Variants in SERPINI2 observed in about 807,000 individuals in gnomAD.
SERPINI2 encodes the protein serpin I2.
SERPINI2 carries 48 observed loss-of-function variants against 47.3 expected under a neutral mutation model. That is an observed-to-expected ratio of 1.02 (90% CI 0.81 to 1.29). The LOEUF is 1.29. Among genes scored for constraint, SERPINI2 ranks in the 50% most tolerant of loss-of-function variants. The pLI, the probability that SERPINI2 is intolerant of heterozygous loss-of-function variation, is 0.00. For missense variants in SERPINI2, 448 were observed against 456.9 expected (o/e 0.98, Z 0.18); for synonymous variants, 135 against 149.3 (o/e 0.90, Z 0.70).
intron 6 of SERPINI2, among the ~76,000 whole-genome samples, chr3:167,450,455 A>G (rs1194352180): frequency 6.6e-6 from 1 of 152,202 alleles, no homozygotes; most frequent in African/African-American, 2.4e-5. Context: ...TTGCAAGACA[A>G]GATAGATCTG....
At chr3:167,466,819 A>T (rs2108170116) in intron 3 of SERPINI2, among the ~76,000 whole-genome samples, 1 of 152,202 alleles carries the variant, frequency 6.6e-6, no homozygotes, top group East Asian at 1.9e-4. Context: ...AAAATTCTAT[A>T]AGCAGGTATC....
intron 5 of SERPINI2, among the ~76,000 whole-genome samples, chr3:167,455,530 T>A (rs1252827029): frequency 1.3e-5 from 2 of 149,306 alleles, no homozygotes. Flanking sequence ...TTTGGTACAG[T>A]GGGCTTGAAT....
At chr3:167,454,676 T>TTAAG (rs1749736726) in intron 5 of SERPINI2, among the ~76,000 whole-genome samples, 2 of 152,174 alleles carry the variant, frequency 1.3e-5, no homozygotes, top group Non-Finnish European at 1.5e-5. Flanking sequence ...GGAGAGTCAT[T>TTAAG]TAAGTAACAG....
chr3:167,464,261 G>A (rs201620662), intron 5 of SERPINI2, among the ~76,000 whole-genome samples: 20 of 152,098 alleles, frequency 1.3e-4, no homozygotes, highest in African/African-American at 1.9e-4. Context: ...TGATCTGCCC[G>A]CCTCAGCCTC....
At chr3:167,452,009 T>G (rs1437720805) in intron 6 of SERPINI2, among the ~76,000 whole-genome samples, 1 of 152,206 alleles carries the variant, frequency 6.6e-6, no homozygotes, top group Non-Finnish European at 1.5e-5. Flanking sequence ...ATGAACATTT[T>G]GATATTTGTG....
intron 6 of SERPINI2, 75 bp downstream of exon 6, chr3:167,452,861 T>C: frequency 2.3e-6 from 2 of 872,534 alleles, no homozygotes; most frequent in Non-Finnish European, 3.6e-6. Flanking sequence ...CTCTTTCAGT[T>C]TTAAGCTCAG....
At chr3:167,470,514 C>T (rs377276950) in intron 2 of SERPINI2, among the ~76,000 whole-genome samples, 4 of 144,630 alleles carry the variant, frequency 2.8e-5, no homozygotes, top group Middle Eastern at 3.6e-3. Flanking sequence ...ACTATAGAAA[C>T]TGAGAGCATG....
chr3:167,467,105 G>A, exon 3 of SERPINI2: 1 of 1,613,376 alleles, frequency 6.2e-7, no homozygotes, highest in Non-Finnish European at 8.5e-7. Flanking sequence ...ACAAGCCTTT[G>A]CATCTTGAAA....
upstream of SERPINI2, among the ~76,000 whole-genome samples, chr3:167,476,687 T>C (rs750737482): frequency 5.3e-5 from 8 of 152,146 alleles, no homozygotes; most frequent in East Asian, 1.3e-3. Context: ...CTTATGCCAG[T>C]GGGCTCATTT....
chr3:167,463,911 C>T (rs1218948158), intron 5 of SERPINI2, among the ~76,000 whole-genome samples: 11 of 151,260 alleles, frequency 7.3e-5, no homozygotes. Flanking sequence ...GAGTGCTGAG[C>T]TCTAGTCTCG....
exon 6 of SERPINI2, chr3:167,453,000 G>T: frequency 6.3e-7 from 1 of 1,596,706 alleles, no homozygotes; most frequent in Non-Finnish European, 8.5e-7. Context: ...AATACAAAAC[G>T]TCTTTGAAGT....
chr3:167,460,357 G>A (rs181064249), intron 5 of SERPINI2, among the ~76,000 whole-genome samples: 4 of 152,082 alleles, frequency 2.6e-5, no homozygotes, highest in African/African-American at 4.8e-5. Flanking sequence ...TATTTTAAAC[G>A]GGTATTTTTC....
chr3:167,458,786 C>T lies in SERPINI2; in HGVS notation c.867-5753G>A, dbSNP rs187727804. 2.3e-3 allele frequency among the ~76,000 whole-genome samples: 349 copies of T among 152,298 alleles called. 1 individual carries two copies. The highest frequency in any genetic ancestry group is 8.1e-3 in the African/African-American group (335 of 41,556). ...GAGCTGATCCTTCTCTGTCAATACT[C>T]ATTGAATGGCAATCAATTTATCTTC... On this transcript the variant is annotated intron_variant, in intron 5 of 8. Transcript: ENST00000264677.
intron 3 of SERPINI2, among the ~76,000 whole-genome samples, chr3:167,466,854 G>A (rs1750147334): frequency 6.6e-6 from 1 of 151,906 alleles, no homozygotes; most frequent in Non-Finnish European, 1.5e-5. Flanking sequence ...AAAAGAATCA[G>A]TATTCTTTTC....
chr3:167,442,132 C>T, exon 9 of SERPINI2: 1 of 1,601,726 alleles, frequency 6.2e-7, no homozygotes, highest in Non-Finnish European at 8.5e-7. Flanking sequence ...AAATCTCTTC[C>T]TTTTATCTCC....
intron 1 of SERPINI2, among the ~76,000 whole-genome samples, chr3:167,472,733 T>C (rs1017037096): frequency 1.3e-5 from 2 of 151,910 alleles, no homozygotes; most frequent in Non-Finnish European, 2.9e-5. Flanking sequence ...AATAATACCC[T>C]ATTAAAGTGC....
exon 2 of SERPINI2, chr3:167,471,803 A>C: frequency 1.9e-6 from 3 of 1,612,108 alleles, no homozygotes; most frequent in Non-Finnish European, 2.5e-6. Flanking sequence ...AAAAAACAGC[A>C]ATAGAAGACT....
chr3:167,474,305 C>T (rs1380860193), upstream of SERPINI2, among the ~76,000 whole-genome samples: 3 of 151,636 alleles, frequency 2.0e-5, no homozygotes, highest in African/African-American at 4.8e-5. Flanking sequence ...AAAAGTTGCA[C>T]AGAATTTGAA....
At chr3:167,455,593 C>CA (rs11407272) in intron 5 of SERPINI2, among the ~76,000 whole-genome samples, 49,840 of 122,970 alleles carry the variant, frequency 0.41, 9,282 homozygotes, top group East Asian at 0.58. Flanking sequence ...ATACGAGTCT[C>CA]AAAAAAAAAA....
Sources: gnomAD v4.1 joint callset for allele counts (sites outside exome capture counted in the v4.1 genomes callset) on GRCh38, gnomAD v4.1.1 for gene constraint, MANE v1.5 for transcripts, NCBI Gene and HGNC (gene_info 2026-07-23, HGNC 2026-07-21) for gene names.